The following SPPL3 variants were observed in gnomAD, a reference collection of about 807,000 sequenced individuals.
The protein encoded by SPPL3 is signal peptide peptidase like 3, also known as signal peptide peptidase-like 3.
A neutral mutation model predicts 42.4 loss-of-function variants in SPPL3; 5 were observed. The observed-to-expected ratio is 0.12, with a 90% CI of 0.06 to 0.25. The LOEUF is 0.25. SPPL3 is among the 10% of genes least tolerant of loss of function. The pLI is 1.00. For missense variants in SPPL3, 235 were observed against 489.0 expected, an observed-to-expected ratio of 0.48 and a Z score of 4.90; for synonymous variants, 195 against 181.8, an observed-to-expected ratio of 1.07 and a Z score of -0.58.
At chr12:120,830,642 G>A (rs1871398856) in intron 1 of SPPL3, among the ~76,000 whole-genome samples, 2 of 145,254 alleles carry the variant, frequency 1.4e-5, no homozygotes, top group South Asian at 4.5e-4. Context: ...AGCAAGGGTG[G>A]TGAGGAATTC....
At chr12:120,892,681 C>T (rs147785965) in intron 1 of SPPL3, among the ~76,000 whole-genome samples, 10 of 152,218 alleles carry the variant, frequency 6.6e-5, no homozygotes, top group African/African-American at 2.2e-4. Flanking sequence ...TATTAAAATA[C>T]GATACAACCC....
intron 1 of SPPL3, among the ~76,000 whole-genome samples, chr12:120,875,624 CAAAAAA>C (rs60385982): frequency 9.7e-6 from 1 of 103,616 alleles, no homozygotes; most frequent in Non-Finnish European, 2.3e-5. Context: ...GACTCCATTT[CAAAAAA>C]AAAAAAAAGA....
chr12:120,863,117 G>T (rs1386139242), intron 1 of SPPL3, among the ~76,000 whole-genome samples: 1 of 152,196 alleles, frequency 6.6e-6, no homozygotes, highest in Non-Finnish European at 1.5e-5. Flanking sequence ...GGAGGCTGAG[G>T]TGGGTGGATC....
chr12:120,793,580 A>ATG (rs1226052798), intron 2 of SPPL3, among the ~76,000 whole-genome samples: 1 of 152,244 alleles, frequency 6.6e-6, no homozygotes, highest in African/African-American at 2.4e-5. Context: ...GGACACAAGG[A>ATG]TGTAAAACTG....
chr12:120,876,480 G>C (rs1873091211), intron 1 of SPPL3, among the ~76,000 whole-genome samples: 1 of 151,478 alleles, frequency 6.6e-6, no homozygotes, highest in South Asian at 2.1e-4. Flanking sequence ...AGCTGGGCGT[G>C]GTGGCGGGCA....
intron 1 of SPPL3, among the ~76,000 whole-genome samples, chr12:120,818,463 C>A (rs900803510): frequency 7.9e-5 from 12 of 152,146 alleles, no homozygotes; most frequent in African/African-American, 2.9e-4. Context: ...ATTTTTAGAA[C>A]CATGCTGGAT....
At chr12:120,848,878 T>C (rs1463673583) in intron 1 of SPPL3, among the ~76,000 whole-genome samples, 1 of 152,104 alleles carries the variant, frequency 6.6e-6, no homozygotes, top group East Asian at 1.9e-4. Flanking sequence ...GTAATAACAC[T>C]AATGATCAAT....
chr12:120,850,556 A>T (rs543105534), intron 1 of SPPL3, among the ~76,000 whole-genome samples: 1 of 152,168 alleles, frequency 6.6e-6, no homozygotes, highest in African/African-American at 2.4e-5. Flanking sequence ...ACTGTGAAAA[A>T]GAATGAAAGA....
intron 2 of SPPL3, among the ~76,000 whole-genome samples, chr12:120,800,015 C>T (rs1223491052): frequency 6.6e-6 from 1 of 152,332 alleles, no homozygotes; most frequent in East Asian, 1.9e-4. Context: ...AGTGCATAGA[C>T]ATCAGATTGC....
intron 2 of SPPL3, among the ~76,000 whole-genome samples, chr12:120,796,108 G>C (rs1409854548): frequency 6.6e-6 from 1 of 152,148 alleles, no homozygotes; most frequent in African/African-American, 2.4e-5. Flanking sequence ...AGGCACAGTG[G>C]TTCACGACTG....
chr12:120,879,557 A>G (rs534457243), intron 1 of SPPL3, among the ~76,000 whole-genome samples: 50 of 152,220 alleles, frequency 3.3e-4, no homozygotes, highest in Non-Finnish European at 6.6e-4. Context: ...TTACCGCCCA[A>G]CTTCTCATAG....
chr12:120,827,782 A>G (rs533564137), intron 1 of SPPL3, among the ~76,000 whole-genome samples: 15 of 145,350 alleles, frequency 1.0e-4, no homozygotes, highest in African/African-American at 3.6e-4. Context: ...CATAAAAACA[A>G]GTCTCAAATA....
chr12:120,770,205 T>G (rs1451183318), intron 6 of SPPL3: 1 of 152,246 alleles, frequency 6.6e-6, no homozygotes, highest in Non-Finnish European at 1.5e-5. Context: ...CACACCTGGA[T>G]AATTTTTGTA....
intron 6 of SPPL3, among the ~76,000 whole-genome samples, chr12:120,776,393 A>C (rs1869322075): frequency 1.3e-5 from 2 of 152,194 alleles, no homozygotes; most frequent in African/African-American, 2.4e-5. Context: ...AGGGACTCGC[A>C]TTGTAAAACA....
intron 1 of SPPL3, among the ~76,000 whole-genome samples, chr12:120,902,752 T>C (rs1396390608): frequency 2.0e-5 from 3 of 152,136 alleles, no homozygotes. Context: ...GTAAACCATC[T>C]TCAAACCATT....
chr12:120,836,980 C>T (rs1036267031), intron 1 of SPPL3, among the ~76,000 whole-genome samples: 32 of 128,764 alleles, frequency 2.5e-4, no homozygotes. Flanking sequence ...AGCACATGAG[C>T]TCTCTGCATT....
At chr12:120,842,614 T>A (rs1195224821) in intron 1 of SPPL3, among the ~76,000 whole-genome samples, 1 of 150,942 alleles carries the variant, frequency 6.6e-6, no homozygotes, top group Non-Finnish European at 1.5e-5. Flanking sequence ...TGGTGAGGAC[T>A]CACTCTGCTT....
At chr12:120,792,955 G>A (rs936561841) in intron 2 of SPPL3, among the ~76,000 whole-genome samples, 2 of 152,072 alleles carry the variant, frequency 1.3e-5, no homozygotes, top group Non-Finnish European at 2.9e-5. Flanking sequence ...AAAAACTTAC[G>A]TGCCTCAAAG....
At chr12:120,888,192 C>T (rs1873522310) in intron 1 of SPPL3, among the ~76,000 whole-genome samples, 1 of 152,182 alleles carries the variant, frequency 6.6e-6, no homozygotes, top group Admixed American at 6.5e-5. Flanking sequence ...TCTCCTACCT[C>T]AGCCTCCTGA....
Sources: allele counts gnomAD v4.1 joint callset (sites outside exome capture counted in the v4.1 genomes callset), GRCh38; gene constraint gnomAD v4.1.1; transcripts MANE v1.5; gene names NCBI Gene and HGNC (gene_info 2026-07-23, HGNC 2026-07-21).